The following PLAA variants were observed in gnomAD, a reference collection of about 807,000 sequenced individuals.
The protein encoded by PLAA is phospholipase A2 activating protein, also known as phospholipase A-2-activating protein.
Under a neutral mutation model 84.1 loss-of-function variants are expected in PLAA, and 48 were observed. The observed-to-expected ratio is 0.57, with a 90% CI of 0.45 to 0.73. The LOEUF is 0.73. Ranked by LOEUF, PLAA falls within the 30% of genes least tolerant of loss-of-function variation. PLAA has a pLI of 0.00. For synonymous variants in PLAA, 392 were observed against 336.6 expected, an observed-to-expected ratio of 1.16 and a Z score of -1.80; for missense variants, 903 against 954.7, an observed-to-expected ratio of 0.95 and a Z score of 0.71.
intron 2 of PLAA, among the ~76,000 whole-genome samples, chr9:26,932,286 TTA>T (rs1420406243): frequency 1.3e-5 from 2 of 152,246 alleles, no homozygotes; most frequent in Non-Finnish European, 1.5e-5. Context: ...GTGAGTGTCC[TTA>T]TCTTTTAGAA....
At chr9:26,930,444 A>G (rs766144496) in intron 2 of PLAA, among the ~76,000 whole-genome samples, 3 of 152,022 alleles carry the variant, frequency 2.0e-5, no homozygotes, top group Admixed American at 6.6e-5. Context: ...GACTGCTCCA[A>G]CAACTACTGA....
chr9:26,922,105 C>G (rs924180853), intron 7 of PLAA, among the ~76,000 whole-genome samples: 1 of 152,182 alleles, frequency 6.6e-6, no homozygotes, highest in Non-Finnish European at 1.5e-5. Context: ...ACTCAAATGA[C>G]TGCGCATGTT....
intron 7 of PLAA, among the ~76,000 whole-genome samples, chr9:26,921,242 A>C (rs1824748032): frequency 6.6e-6 from 1 of 152,174 alleles, no homozygotes; most frequent in African/African-American, 2.4e-5. Context: ...ACTTTACACA[A>C]ATGTCATGTT....
At chr9:26,919,557 C>T (rs1160464233) in intron 8 of PLAA, 28 bp from the exon 9 acceptor site, 5 of 1,189,620 alleles carry the variant, frequency 4.2e-6, no homozygotes, top group African/African-American at 1.5e-5. Flanking sequence ...AAAGGAGATA[C>T]ATGCTTATTA....
At chr9:26,916,005 C>G (rs961939392) in intron 10 of PLAA, 2 of 985,260 alleles carry the variant, frequency 2.0e-6, no homozygotes, top group African/African-American at 3.5e-5. Flanking sequence ...ACTTCCTTAA[C>G]AGCCACTGTG....
At chr9:26,917,017 T>A (rs930395456) in intron 10 of PLAA, 80 bp downstream of exon 10, 6 of 1,132,740 alleles carry the variant, frequency 5.3e-6, no homozygotes, top group Non-Finnish European at 6.5e-6. Flanking sequence ...CTGGATGACA[T>A]CTCCAAGATG....
intron 2 of PLAA, among the ~76,000 whole-genome samples, chr9:26,933,811 A>AT (rs1445664220): frequency 6.8e-6 from 1 of 146,112 alleles, no homozygotes; most frequent in Non-Finnish European, 1.5e-5. Flanking sequence ...AAAAAAAAAA[A>AT]AATTTTTTGT....
At position 26,913,890 on chromosome 9, in the gene PLAA, T is replaced by C; in HGVS notation, c.1544A>G (p.Asp515Gly). Residue 515 changes from aspartate (D) to glycine (G), a missense_variant, in exon 11 of 14, where the codon GAT becomes GGT. Transcript: ENST00000397292. Reference protein sequence around the residue: ...ASMGTTMAGVDPFTGNSAYRS... With the variant: ...ASMGTTMAGVGPFTGNSAYRS... ...TAAAAAGTATGTACCTGTAAATGGATCAACTCCGGCCATGGTAGTTCCCAT... is the reference window on the plus strand; with the variant it reads ...TAAAAAGTATGTACCTGTAAATGGACCAACTCCGGCCATGGTAGTTCCCAT... 6.2e-7 allele frequency: 1 copy of C among 1,610,108 alleles called. No homozygotes were observed. The highest frequency in any genetic ancestry group is 8.5e-7 in the Non-Finnish European group (1 of 1,176,664).
chr9:26,912,414 G>C (rs1477152917), intron 11 of PLAA, among the ~76,000 whole-genome samples: 13 of 152,156 alleles, frequency 8.5e-5, no homozygotes, highest in Admixed American at 3.3e-4. Context: ...AGCCACTGAA[G>C]AGTTTTTTAA....
chr9:26,913,859 A>G lies in PLAA; in HGVS notation c.1555+20T>C, dbSNP rs1255897818. ...ATTTTTAAAATCTAAAAAAAAGAAA[A>G]AGAAATAAAAAGTATGTACCTGTAA... is the stretch of plus-strand genomic sequence containing the variant. On this transcript the variant is annotated intron_variant, in intron 11 of 13. Transcript: ENST00000397292. The G allele has an allele frequency of 6.6e-7, 1 of 1,526,034 alleles. No individual in the cohort carries two copies. The highest frequency in any genetic ancestry group is 8.9e-7 in the Non-Finnish European group (1 of 1,123,642). The allele number at this position is 1,526,034 out of a possible 1,614,324, so 94.5% of individuals were successfully genotyped here.
intron 9 of PLAA, among the ~76,000 whole-genome samples, chr9:26,917,383 TTTA>T (rs951776741): frequency 6.6e-6 from 1 of 152,254 alleles, no homozygotes; most frequent in African/African-American, 2.4e-5. Flanking sequence ...ACTTTAATGC[TTTA>T]TTATACCTTA....
chr9:26,941,207 T>C (rs1825525432), intron 1 of PLAA, among the ~76,000 whole-genome samples: 1 of 150,638 alleles, frequency 6.6e-6, no homozygotes, highest in African/African-American at 2.4e-5. Flanking sequence ...GATGTGCAGC[T>C]AGACAACCCA....
At chr9:26,914,984 G>A (rs567708955) in intron 10 of PLAA, among the ~76,000 whole-genome samples, 2 of 152,086 alleles carry the variant, frequency 1.3e-5, no homozygotes, top group African/African-American at 2.4e-5. Flanking sequence ...AGGCTGAGGC[G>A]GGTGGATCAC....
At chr9:26,927,133 T>C (rs901221781) in intron 4 of PLAA, among the ~76,000 whole-genome samples, 2 of 149,896 alleles carry the variant, frequency 1.3e-5, no homozygotes, top group East Asian at 2.0e-4. Flanking sequence ...TTTTCTTTTT[T>C]TTTTTGAGAT....
chr9:26,931,356 T>C, intron 2 of PLAA, among the ~76,000 whole-genome samples: 1 of 152,194 alleles, frequency 6.6e-6, no homozygotes, highest in East Asian at 1.9e-4. Context: ...ACAATCATTT[T>C]GTAAACCTTA....
chr9:26,930,532 G>A (rs1350190413), intron 2 of PLAA, among the ~76,000 whole-genome samples: 1 of 151,566 alleles, frequency 6.6e-6, no homozygotes, highest in Non-Finnish European at 1.5e-5. Context: ...ATTAATCCAT[G>A]TTGAACATGT....
intron 11 of PLAA, among the ~76,000 whole-genome samples, chr9:26,912,427 A>G (rs1052226155): frequency 3.3e-5 from 5 of 152,190 alleles, no homozygotes; most frequent in African/African-American, 9.6e-5. Context: ...TTTTTTAATC[A>G]AGGGAGGTGC....
chr9:26,939,161 G>A (rs7031903), intron 1 of PLAA, among the ~76,000 whole-genome samples: 15,088 of 152,114 alleles, frequency 0.099, 1,568 homozygotes, highest in East Asian at 0.57. Flanking sequence ...GGCTGAGGCC[G>A]GCGGATCACA....
chr9:26,941,169 A>AAAAAAAAAAAAAC (rs1563921251), intron 1 of PLAA, among the ~76,000 whole-genome samples: 1 of 144,776 alleles, frequency 6.9e-6, no homozygotes. Flanking sequence ...AAAAAAAAAC[A>AAAAAAAAAAAAAC]AAAACAAAAC....
Sources: allele counts gnomAD v4.1 joint callset (sites outside exome capture counted in the v4.1 genomes callset), GRCh38; gene constraint gnomAD v4.1.1; transcripts MANE v1.5; gene names NCBI Gene and HGNC (gene_info 2026-07-23, HGNC 2026-07-21).